SULT1C4: variants seen among roughly 807,000 people sequenced by gnomAD.
The protein encoded by SULT1C4 is sulfotransferase 1C4.
Under a neutral mutation model 34.8 loss-of-function variants are expected in SULT1C4, and 32 were observed. The ratio of observed to expected loss-of-function variants is 0.92; its 90% CI spans 0.69 to 1.23. The LOEUF is 1.23. Ranked by LOEUF, SULT1C4 falls within the 50% of genes most tolerant of loss-of-function variation. The pLI is 0.00. For missense variants in SULT1C4, 375 were observed against 365.9 expected, an observed-to-expected ratio of 1.02 and a Z score of -0.20; for synonymous variants, 111 against 120.5, an observed-to-expected ratio of 0.92 and a Z score of 0.51.
rs41374446 is a variant in SULT1C4 at position 108,387,963 on chromosome 2, AT to A, written c.*542del. 179 of 145,722 alleles carry A rather than the reference AT, an allele frequency of 1.2e-3. 1 individual carries two copies. Among genetic ancestry groups the A allele is most frequent in the African/African-American group, 2.5e-3 (100 of 39,944 alleles). The allele number at this position is 145,722 out of a possible 1,614,324, so 9.0% of individuals were successfully genotyped here. On this transcript the variant is annotated 3_prime_UTR_variant, in exon 7 of 7. Coordinates refer to ENST00000272452, the MANE Select transcript of SULT1C4 (RefSeq NM_006588.4). Reference sequence around the variant, plus strand: ...GGGCGCCCACCACCACTCCCGGCTAATTTTTTTTTTTGTATTCTTAGTAGAG... The same window carrying A: ...GGGCGCCCACCACCACTCCCGGCTAATTTTTTTTTTGTATTCTTAGTAGAG...
chr2:108,378,177 C>A lies in SULT1C4; in HGVS notation c.-161C>A. The A allele has an allele frequency of 1.7e-6, 1 of 590,404 alleles. No individual in the cohort carries two copies. Among genetic ancestry groups the A allele is most frequent in the Non-Finnish European group, 2.8e-6 (1 of 351,758 alleles). The allele number at this position is 590,404 out of a possible 1,614,324, so 36.6% of individuals were successfully genotyped here. A position where few individuals can be genotyped will look rare whatever the true frequency, so the allele number is the denominator to read the frequency against. On this transcript the variant is annotated 5_prime_UTR_variant, in exon 1 of 7. Transcript: ENST00000272452. ...CCTGGAACCTGAGTCGGGAGGCCTGCAACTCACTTTCTCCCTGTTTGCTGG... is the reference window on the plus strand; with the variant it reads ...CCTGGAACCTGAGTCGGGAGGCCTGAAACTCACTTTCTCCCTGTTTGCTGG...
At chr2:108,378,637 C>T (rs1380414742) in intron 1 of SULT1C4, 131 bp downstream of exon 1, 1 of 965,016 alleles carries the variant, frequency 1.0e-6, no homozygotes, top group Non-Finnish European at 1.5e-6. Flanking sequence ...AGGAAAGTTA[C>T]TAGTGGAAAC....
At chr2:108,379,977 A>G (rs1391674629) in intron 1 of SULT1C4, among the ~76,000 whole-genome samples, 1 of 152,250 alleles carries the variant, frequency 6.6e-6, no homozygotes, top group Non-Finnish European at 1.5e-5. Flanking sequence ...AAACTAGTAC[A>G]AATGGCTGGA....
chr2:108,384,749 T>C (rs1460369072), intron 5 of SULT1C4, among the ~76,000 whole-genome samples: 1 of 152,224 alleles, frequency 6.6e-6, no homozygotes, highest in Non-Finnish European at 1.5e-5. Flanking sequence ...TAAATAATCA[T>C]CTACTCAGCT....
At chr2:108,382,072 C>A in intron 2 of SULT1C4, 185 bp downstream of exon 2, 1 of 678,360 alleles carries the variant, frequency 1.5e-6, no homozygotes, top group Non-Finnish European at 2.2e-6. Flanking sequence ...ACTGTTTGTA[C>A]AAAAGTGAGT....
At chr2:108,380,841 C>G (rs900096161) in intron 1 of SULT1C4, among the ~76,000 whole-genome samples, 1 of 152,198 alleles carries the variant, frequency 6.6e-6, no homozygotes, top group East Asian at 1.9e-4. Context: ...TCCCCACTGC[C>G]TTCCAAAACT....
intron 5 of SULT1C4, among the ~76,000 whole-genome samples, chr2:108,384,358 G>A (rs1678514142): frequency 1.3e-5 from 2 of 152,160 alleles, no homozygotes; most frequent in Non-Finnish European, 2.9e-5. Flanking sequence ...AGCCTCCCAC[G>A]TAGCTGGGAC....
At chr2:108,381,612 C>G (rs1678397281) in intron 1 of SULT1C4, 150 bp from the exon 2 acceptor site, 1 of 886,666 alleles carries the variant, frequency 1.1e-6, no homozygotes, top group African/African-American at 1.7e-5. Context: ...CATTGAACTC[C>G]AGCCTTGATA....
At position 108,383,180 on chromosome 2, in the gene SULT1C4, A is replaced by G; in HGVS notation, c.481A>G (p.Thr161Ala). ...GAATAAAGCTCTTCCTGCTCCAGGA[A>G]CATGGGAAGAGTATTTTGAGACTTT... ...RMNKALPAPG[T>A]WEEYFETFLA... Residue 161 changes from threonine (T) to alanine (A), a missense_variant, in exon 4 of 7, where the codon ACA becomes GCA. By Grantham distance (58) the Thr-to-Ala change is moderately conservative (BLOSUM62 0). Coordinates refer to ENST00000272452, the MANE Select transcript of SULT1C4 (RefSeq NM_006588.4). The G allele has an allele frequency of 6.2e-7, 1 of 1,612,992 alleles. No individual in the cohort carries two copies. The highest frequency in any genetic ancestry group is 8.5e-7 in the Non-Finnish European group (1 of 1,179,772).
Position 108,383,163 on chromosome 2 carries a change from C to T in SULT1C4, c.464C>T (p.Ala155Val), listed in dbSNP as rs1200526721. ...TACCATTTCCAAAGAATGAATAAAG[C>T]TCTTCCTGCTCCAGGAACATGGGAA... ...SYYHFQRMNK[A>V]LPAPGTWEEY... Residue 155 changes from alanine to valine, a missense_variant, in exon 4 of 7, where the codon GCT becomes GTT. Physicochemically the swap from Ala to Val is moderately conservative, Grantham distance 64. Transcript: ENST00000272452. 6.2e-7 allele frequency: 1 copy of T among 1,613,088 alleles called. No homozygotes were observed. The highest frequency in any genetic ancestry group is 8.5e-7 in the Non-Finnish European group (1 of 1,179,808).
intron 5 of SULT1C4, among the ~76,000 whole-genome samples, chr2:108,384,844 C>T (rs1678527613): frequency 6.6e-6 from 1 of 152,162 alleles, no homozygotes; most frequent in African/African-American, 2.4e-5. Flanking sequence ...CCTTGATACT[C>T]AACAGGTGCT....
At chr2:108,386,906 G>T (rs375217757) in intron 6 of SULT1C4, among the ~76,000 whole-genome samples, 6 of 152,200 alleles carry the variant, frequency 3.9e-5, no homozygotes, top group East Asian at 1.9e-4. Flanking sequence ...GAGAATTTGT[G>T]GGGGGAGGTC....
intron 6 of SULT1C4, among the ~76,000 whole-genome samples, chr2:108,386,682 A>G (rs1159599514): frequency 6.6e-6 from 1 of 152,226 alleles, no homozygotes; most frequent in African/African-American, 2.4e-5. Context: ...TTTTATAGAC[A>G]GTTCTATGCT....
rs143857621 is a variant in SULT1C4 at position 108,381,860 on chromosome 2, G to A, written c.268G>A (p.Glu90Lys). Residue 90 changes from glutamate to lysine, a missense_variant, in exon 2 of 7, where the codon GAA becomes AAA. By Grantham distance (56) the Glu-to-Lys change is moderately conservative. Transcript: ENST00000272452. ...GACTCATCAACGATTTCCTTTCCTC[G>A]AAATGAAAATCCCATCCTTAGGATC... The part of the protein sequence containing the change: ...APTHQRFPFL[E>K]MKIPSLGSGL... 109 of 1,498,766 alleles carry A rather than the reference G, an allele frequency of 7.3e-5. No homozygotes were observed. Among genetic ancestry groups the A allele is most frequent in the African/African-American group, 6.5e-4 (45 of 69,060 alleles). 92.8% of individuals were successfully genotyped at this position (1,498,766 alleles called of 1,614,324 possible). A position where few individuals can be genotyped will look rare whatever the true frequency, so the allele number is the denominator to read the frequency against.
At chr2:108,383,025 A>G (rs998306177) in intron 3 of SULT1C4, 68 bp from the exon 4 acceptor site, 1 of 1,401,080 alleles carries the variant, frequency 7.1e-7, no homozygotes, top group African/African-American at 1.5e-5. Flanking sequence ...GGGCAGTAAC[A>G]GCAAAAAAAA....
Position 108,386,305 on chromosome 2 carries a change from A to C in SULT1C4, c.729A>C (p.Pro243=). ...CGTTTGATGTCATGAAACAGAATCC[A>C]ATGGCAAACTATTCATCGATTCCTG... ...YTSFDVMKQN[P]MANYSSIPAE... Residue 243 remains proline (P), a synonymous_variant, in exon 6 of 7, where the codon CCA becomes CCC. Coordinates refer to ENST00000272452, the MANE Select transcript of SULT1C4 (RefSeq NM_006588.4). The C allele has an allele frequency of 6.3e-7, 1 of 1,583,324 alleles. No homozygotes were observed. The highest frequency in any genetic ancestry group is 1.2e-5 in the South Asian group (1 of 84,582).
chr2:108,382,344 A>AT, intron 2 of SULT1C4, 41 bp from the exon 3 acceptor site: 1 of 1,540,870 alleles, frequency 6.5e-7, no homozygotes, highest in Non-Finnish European at 9.0e-7. Context: ...CAAATAGATA[A>AT]AAAAAAAATC....
rs112375818 is a variant in SULT1C4 at position 108,383,854 on chromosome 2, G to GT, written c.615+352dup. Among the ~76,000 whole-genome samples the GT allele has an allele frequency of 9.3e-4, 131 of 140,910 alleles. 1 individual carries two copies. Among genetic ancestry groups the GT allele is most frequent in the African/African-American group, 2.7e-3 (88 of 33,136 alleles). The allele number at this position is 140,910 out of a possible 152,430, so 92.4% of individuals were successfully genotyped here. ...ACATTTTGGTTTCTTTGGTTTTTGG[G>GT]TTTTTTTTGTTTTTGTTTTTGTTTT... On this transcript the variant is annotated intron_variant, in intron 5 of 6. Transcript: ENST00000272452.
chr2:108,384,011 G>A (rs2104346289), intron 5 of SULT1C4, among the ~76,000 whole-genome samples: 1 of 151,744 alleles, frequency 6.6e-6, no homozygotes, highest in Non-Finnish European at 1.5e-5. Flanking sequence ...TGGGATTACA[G>A]TCGCCTGCCA....
Sources: allele counts gnomAD v4.1 joint callset (sites outside exome capture counted in the v4.1 genomes callset), GRCh38; gene constraint gnomAD v4.1.1; transcripts MANE v1.5; gene names NCBI Gene and HGNC (gene_info 2026-07-23, HGNC 2026-07-21).